Variants in CPXM2 observed in about 807,000 individuals in gnomAD.
CPXM2 encodes carboxypeptidase X, M14 family member 2, also known as inactive carboxypeptidase-like protein X2.
CPXM2 carries 66 observed loss-of-function variants against 86.1 expected under a neutral mutation model. That is an observed-to-expected ratio of 0.77 (90% CI 0.63 to 0.94). The LOEUF (loss-of-function observed/expected upper bound fraction) is 0.94, where lower values mean the gene tolerates loss of function less well. Among genes scored for constraint, CPXM2 ranks in the 40% least tolerant of loss-of-function variants. The probability of loss-of-function intolerance (pLI) is 0.00; values close to 1 mark genes in which losing one functional copy is unlikely to be tolerated. For missense variants in CPXM2, 948 were observed against 1,026.3 expected (o/e 0.92, Z 1.04); for synonymous variants, 388 against 400.2 (o/e 0.97, Z 0.36).
At chr10:123,788,254 T>C (rs1201433831) in intron 6 of CPXM2, among the ~76,000 whole-genome samples, 2 of 134,474 alleles carry the variant, frequency 1.5e-5, no homozygotes, top group Non-Finnish European at 1.5e-5. Context: ...CACTCCAGCC[T>C]GGGCGACAGA....
chr10:123,773,409 C>T (rs968791990), intron 7 of CPXM2, among the ~76,000 whole-genome samples: 1 of 152,036 alleles, frequency 6.6e-6, no homozygotes, highest in Non-Finnish European at 1.5e-5. Context: ...TCACTTCCCT[C>T]GTTGTGGTTC....
intron 3 of CPXM2, among the ~76,000 whole-genome samples, chr10:123,862,252 C>CA (rs1468928019): frequency 6.6e-6 from 1 of 152,230 alleles, no homozygotes; most frequent in Non-Finnish European, 1.5e-5. Flanking sequence ...CAAGGGAAGA[C>CA]AAATGCCACT....
chr10:123,857,588 C>CGGCGTGGAGATGGAAGGT (rs1848756531), intron 3 of CPXM2, among the ~76,000 whole-genome samples: 1 of 139,158 alleles, frequency 7.2e-6, no homozygotes, highest in Admixed American at 7.1e-5. Context: ...AGATGGAAGG[C>CGGCGTGGAGATGGAAGGT]GGCGTGGAGA....
chr10:123,856,844 G>A (rs755118182), intron 3 of CPXM2, among the ~76,000 whole-genome samples: 8 of 152,100 alleles, frequency 5.3e-5, no homozygotes, highest in East Asian at 1.9e-4. Flanking sequence ...CACCCGCCTC[G>A]GCCTCCCAAA....
chr10:123,863,340 G>T (rs1174769574), intron 2 of CPXM2, among the ~76,000 whole-genome samples: 1 of 152,218 alleles, frequency 6.6e-6, no homozygotes, highest in Non-Finnish European at 1.5e-5. Flanking sequence ...GGAGCATTTA[G>T]TGAAGGCGGA....
chr10:123,940,692 G>A (rs1945766894), upstream of CPXM2, among the ~76,000 whole-genome samples: 1 of 152,212 alleles, frequency 6.6e-6, no homozygotes, highest in South Asian at 2.1e-4. Flanking sequence ...CTGAGTTGTT[G>A]GAGTGGGTGG....
chr10:123,860,581 T>C (rs1848827557), intron 3 of CPXM2, among the ~76,000 whole-genome samples: 1 of 152,242 alleles, frequency 6.6e-6, no homozygotes, highest in Non-Finnish European at 1.5e-5. Context: ...CTTTCTCTTT[T>C]TCAAAGGATA....
upstream of CPXM2, among the ~76,000 whole-genome samples, chr10:123,894,144 C>T (rs1403246467): frequency 6.6e-6 from 1 of 152,240 alleles, no homozygotes; most frequent in Non-Finnish European, 1.5e-5. Context: ...TAACCCTGCT[C>T]TGCTGCCTTT....
chr10:123,930,813 A>G (rs1590127839), intron 2 of CPXM2, among the ~76,000 whole-genome samples: 1 of 152,250 alleles, frequency 6.6e-6, no homozygotes, highest in Non-Finnish European at 1.5e-5. Flanking sequence ...ATTCATTTTA[A>G]TTGAATAGTT....
At chr10:123,936,977 G>C (rs1945726579) in intron 2 of CPXM2, among the ~76,000 whole-genome samples, 1 of 152,186 alleles carries the variant, frequency 6.6e-6, no homozygotes, top group Admixed American at 6.5e-5. Context: ...CCGGGGTAGG[G>C]GGTTCTTACA....
chr10:123,801,455 T>A (rs1436251874), intron 4 of CPXM2, among the ~76,000 whole-genome samples: 2 of 152,172 alleles, frequency 1.3e-5, no homozygotes, highest in South Asian at 4.1e-4. Context: ...CATTCCCCTA[T>A]ATTGAATCCA....
At chr10:123,854,384 T>TA (rs1564798966) in intron 3 of CPXM2, among the ~76,000 whole-genome samples, 1 of 118,668 alleles carries the variant, frequency 8.4e-6, no homozygotes, top group South Asian at 2.3e-4. Flanking sequence ...AATATATATA[T>TA]AATATATATA....
At chr10:123,804,186 GTT>G (rs1454988180) in intron 4 of CPXM2, among the ~76,000 whole-genome samples, 2 of 152,088 alleles carry the variant, frequency 1.3e-5, no homozygotes, top group Admixed American at 1.3e-4. Context: ...GATAGTATAT[GTT>G]TTCTCACTTT....
At chr10:123,843,749 T>C (rs1361629147) in intron 3 of CPXM2, among the ~76,000 whole-genome samples, 1 of 152,118 alleles carries the variant, frequency 6.6e-6, no homozygotes, top group African/African-American at 2.4e-5. Context: ...CAAAACTCTA[T>C]CCATCACTGT....
At chr10:123,822,661 A>G (rs1424943667) in intron 4 of CPXM2, among the ~76,000 whole-genome samples, 2 of 152,044 alleles carry the variant, frequency 1.3e-5, no homozygotes, top group Non-Finnish European at 2.9e-5. Flanking sequence ...CCAGAAAAAA[A>G]TTTATACAAG....
intron 4 of CPXM2, among the ~76,000 whole-genome samples, chr10:123,831,708 C>A (rs1381670817): frequency 6.6e-6 from 1 of 151,994 alleles, no homozygotes; most frequent in African/African-American, 2.4e-5. Context: ...CAACCATAGC[C>A]AAGCCCTTCT....
At chr10:123,790,825 T>C (rs1847190085) in intron 6 of CPXM2, among the ~76,000 whole-genome samples, 1 of 152,092 alleles carries the variant, frequency 6.6e-6, no homozygotes, top group South Asian at 2.1e-4. Flanking sequence ...AGTGAATGAG[T>C]AAATGAATGA....
intron 4 of CPXM2, among the ~76,000 whole-genome samples, chr10:123,839,065 C>T (rs1848332347): frequency 6.6e-6 from 1 of 152,240 alleles, no homozygotes; most frequent in Admixed American, 6.5e-5. Context: ...TTGAAAACCA[C>T]AGTTACAGAT....
intron 3 of CPXM2, among the ~76,000 whole-genome samples, chr10:123,859,076 G>A (rs1848800360): frequency 6.6e-6 from 1 of 152,176 alleles, no homozygotes; most frequent in Admixed American, 6.5e-5. Context: ...CTTCCAGCCT[G>A]GACCACAGCC....
Sources: gnomAD v4.1 joint callset for allele counts (sites outside exome capture counted in the v4.1 genomes callset) on GRCh38, gnomAD v4.1.1 for gene constraint, MANE v1.5 for transcripts, NCBI Gene and HGNC (gene_info 2026-07-23, HGNC 2026-07-21) for gene names.